SAMD5: variants seen among roughly 807,000 people sequenced by gnomAD.
SAMD5 encodes the protein sterile alpha motif domain containing 5, also known as sterile alpha motif domain-containing protein 5.
Under a neutral mutation model 11.3 loss-of-function variants are expected in SAMD5, and 13 were observed. The ratio of observed to expected loss-of-function variants is 1.15; its 90% CI spans 0.75 to 1.83. The LOEUF (loss-of-function observed/expected upper bound fraction) is 1.83, where lower values mean the gene tolerates loss of function less well. Ranked by LOEUF, SAMD5 falls within the 40% of genes most tolerant of loss-of-function variation. SAMD5 has a pLI of 0.00. For missense variants in SAMD5, 255 were observed against 239.1 expected, an observed-to-expected ratio of 1.07 and a Z score of -0.44; for synonymous variants, 129 against 111.3, an observed-to-expected ratio of 1.16 and a Z score of -1.00.
chr6:147,798,620 C>T, the SAMD5 span, among the ~76,000 whole-genome samples: 1 of 151,918 alleles, frequency 6.6e-6, no homozygotes, highest in Non-Finnish European at 1.5e-5. Flanking sequence ...TCCTGGGTAT[C>T]CTTGTTGACT....
chr6:147,525,312 G>A (rs1788319732), intron 1 of SAMD5, among the ~76,000 whole-genome samples: 1 of 144,586 alleles, frequency 6.9e-6, no homozygotes, highest in Non-Finnish European at 1.5e-5. Context: ...TGGCAGGGAG[G>A]AAGATTTTCA....
chr6:147,586,638 A>G (rs1448047667), intron 1 of SAMD5, among the ~76,000 whole-genome samples: 1 of 151,940 alleles, frequency 6.6e-6, no homozygotes, highest in Non-Finnish European at 1.5e-5. Flanking sequence ...CTCTGTGATA[A>G]TTGTGGGAGT....
chr6:147,680,454 G>T (rs1790925603), intron 1 of SAMD5, among the ~76,000 whole-genome samples: 2 of 152,066 alleles, frequency 1.3e-5, no homozygotes, highest in South Asian at 4.1e-4. Context: ...ATGGACAGGT[G>T]GACTGCGAAT....
At position 147,547,649 on chromosome 6, in the gene SAMD5, C is replaced by T. The variant is rs77945450; in HGVS notation, c.460-16745C>T. ...CTCAAGGTATTAGATTAGACCAACC[C>T]GAGAGAATAATCTCCCTTTTGTCAT... On this transcript the variant is annotated intron_variant, in intron 1 of 1. Transcript: ENST00000367474. Among the ~76,000 whole-genome samples the T allele has an allele frequency of 4.3e-3, 653 of 152,266 alleles. 13 individuals carry two copies. In the East Asian group the frequency reaches 0.059, roughly 14 times the overall value.
intron 1 of SAMD5, among the ~76,000 whole-genome samples, chr6:147,615,265 G>T (rs968342005): frequency 1.8e-4 from 28 of 152,064 alleles, no homozygotes; most frequent in Admixed American, 2.0e-4. Flanking sequence ...TACCAACACA[G>T]TCAAACAAAG....
chr6:147,605,034 C>T (rs1422440715), intron 1 of SAMD5, among the ~76,000 whole-genome samples: 1 of 152,180 alleles, frequency 6.6e-6, no homozygotes, highest in African/African-American at 2.4e-5. Context: ...TACATTTCCA[C>T]ATCTAAGATT....
chr6:147,804,856 C>T, the SAMD5 span, among the ~76,000 whole-genome samples: 1 of 152,014 alleles, frequency 6.6e-6, no homozygotes, highest in Non-Finnish European at 1.5e-5. Flanking sequence ...TGTTATGTCT[C>T]TATAAAATTC....
the SAMD5 span, among the ~76,000 whole-genome samples, chr6:147,801,612 C>T: frequency 6.6e-6 from 1 of 152,260 alleles, no homozygotes; most frequent in East Asian, 1.9e-4. Flanking sequence ...TGTTTTCAGA[C>T]ATTAGGCAAC....
At chr6:147,550,546 T>A (rs566065667) in intron 1 of SAMD5, among the ~76,000 whole-genome samples, 25 of 152,316 alleles carry the variant, frequency 1.6e-4, no homozygotes, top group African/African-American at 5.3e-4. Flanking sequence ...ATGTGGTATA[T>A]ATACACAATG....
the SAMD5 span, among the ~76,000 whole-genome samples, chr6:147,778,162 T>G: frequency 6.6e-6 from 1 of 152,144 alleles, no homozygotes; most frequent in Admixed American, 6.5e-5. Flanking sequence ...ACCCAGAGGG[T>G]GTGGGGTTCT....
At chr6:147,880,426 A>G in the SAMD5 span, among the ~76,000 whole-genome samples, 2 of 152,112 alleles carry the variant, frequency 1.3e-5, no homozygotes, top group African/African-American at 2.4e-5. Flanking sequence ...CTGTACTTCC[A>G]GACCTCTGTT....
intron 1 of SAMD5, among the ~76,000 whole-genome samples, chr6:147,517,120 A>C (rs1390936212): frequency 6.6e-6 from 1 of 152,166 alleles, no homozygotes; most frequent in Non-Finnish European, 1.5e-5. Flanking sequence ...TAAAGTAATT[A>C]CTTCATTTCA....
intron 1 of SAMD5, among the ~76,000 whole-genome samples, chr6:147,578,647 TG>T (rs893681878): frequency 2.0e-5 from 3 of 152,208 alleles, no homozygotes; most frequent in Non-Finnish European, 4.4e-5. Context: ...GTCAGTAGGT[TG>T]TAGGTCATGT....
At chr6:147,760,257 G>A in the SAMD5 span, among the ~76,000 whole-genome samples, 5 of 152,142 alleles carry the variant, frequency 3.3e-5, no homozygotes, top group South Asian at 2.1e-4. Context: ...ACCATCTGCC[G>A]AGCCGCAATG....
At chr6:147,537,940 G>A (rs888421528) in intron 1 of SAMD5, among the ~76,000 whole-genome samples, 1 of 151,898 alleles carries the variant, frequency 6.6e-6, no homozygotes, top group East Asian at 1.9e-4. Context: ...CATAAAAATC[G>A]TCTTTGAAAG....
At chr6:147,690,565 C>T (rs1040374795) in intron 1 of SAMD5, among the ~76,000 whole-genome samples, 2 of 152,140 alleles carry the variant, frequency 1.3e-5, no homozygotes, top group Non-Finnish European at 2.9e-5. Flanking sequence ...ACGAGAATCA[C>T]TGGAACCCAG....
At chr6:147,933,230 T>C in the SAMD5 span, among the ~76,000 whole-genome samples, 1 of 152,204 alleles carries the variant, frequency 6.6e-6, no homozygotes, top group Non-Finnish European at 1.5e-5. Flanking sequence ...GAGCATAAAG[T>C]CATGCAATCA....
At chr6:147,647,207 A>G (rs994251448) in intron 1 of SAMD5, among the ~76,000 whole-genome samples, 1 of 152,044 alleles carries the variant, frequency 6.6e-6, no homozygotes. Context: ...TACATTTATT[A>G]CTCATTAAGT....
At chr6:147,515,140 A>G (rs1341383823) in intron 1 of SAMD5, among the ~76,000 whole-genome samples, 1 of 145,656 alleles carries the variant, frequency 6.9e-6, no homozygotes, top group East Asian at 2.1e-4. Context: ...CAACTCAATC[A>G]GTGTCCTCAA....
Sources: gnomAD v4.1 joint callset for allele counts (sites outside exome capture counted in the v4.1 genomes callset) on GRCh38, gnomAD v4.1.1 for gene constraint, MANE v1.5 for transcripts, NCBI Gene and HGNC (gene_info 2026-07-23, HGNC 2026-07-21) for gene names.